Variants in CNTNAP2 observed in about 807,000 individuals in gnomAD.
CNTNAP2 encodes the protein contactin associated protein 2.
In CNTNAP2, 98 loss-of-function variants were observed where a neutral mutation model predicts 155.2. The ratio of observed to expected loss-of-function variants is 0.63; its 90% CI spans 0.54 to 0.75. The LOEUF is 0.75. Ranked by LOEUF, CNTNAP2 falls within the 30% of genes least tolerant of loss-of-function variation. The probability of loss-of-function intolerance (pLI) is 0.00; values close to 1 mark genes in which losing one functional copy is unlikely to be tolerated. For synonymous variants in CNTNAP2, 651 were observed against 631.2 expected (o/e 1.03, Z -0.47); for missense variants, 1,727 against 1,688.1 (o/e 1.02, Z -0.40).
chr7:146,738,701 G>A (rs1363250380), intron 1 of CNTNAP2, among the ~76,000 whole-genome samples: 1 of 151,832 alleles, frequency 6.6e-6, no homozygotes, highest in Non-Finnish European at 1.5e-5. Context: ...TATGGTGTGA[G>A]ATGGGGATGT....
At position 147,562,265 on chromosome 7, in the gene CNTNAP2, T is replaced by A. The variant is rs769157591; in HGVS notation, c.1897+8T>A. ...TTTACTGCAACATGACAGGTAACTG[T>A]GTCATATTTATGTTTTATGAAGATG... On this transcript the variant is annotated splice_region_variant and intron_variant, in intron 12 of 23. Coordinates refer to ENST00000361727, the MANE Select transcript of CNTNAP2 (RefSeq NM_014141.6). 24 of 1,613,632 alleles carry A rather than the reference T, an allele frequency of 1.5e-5. No homozygotes were observed. In the African/African-American group the frequency reaches 3.1e-4, roughly 21 times the overall value.
intron 1 of CNTNAP2, among the ~76,000 whole-genome samples, chr7:146,254,425 C>T (rs1396175536): frequency 6.6e-6 from 1 of 152,162 alleles, no homozygotes; most frequent in Non-Finnish European, 1.5e-5. Flanking sequence ...CTCATTCATA[C>T]AGATCGTACC....
rs568492325 is a variant in CNTNAP2 at position 147,527,447 on chromosome 7, A to G, written c.1778-34691A>G. On this transcript the variant is annotated intron_variant, in intron 11 of 23. Transcript: ENST00000361727. ...TTGGAAATGCAGCTTAAGTCCTCTC[A>G]GTATGCGCAGCGTTATACCTCATTT... Among the ~76,000 whole-genome samples the G allele has an allele frequency of 1.2e-4, 18 of 152,340 alleles. No homozygotes were observed. In the East Asian group the frequency reaches 3.1e-3, roughly 26 times the overall value.
At chr7:146,124,769 TG>T (rs914414692) in intron 1 of CNTNAP2, among the ~76,000 whole-genome samples, 6 of 152,228 alleles carry the variant, frequency 3.9e-5, no homozygotes, top group African/African-American at 1.4e-4. Flanking sequence ...ATGATTCGGG[TG>T]TTTTTTTCTA....
chr7:147,643,831 G>A (rs1795324544), intron 13 of CNTNAP2, among the ~76,000 whole-genome samples: 1 of 152,112 alleles, frequency 6.6e-6, no homozygotes. Flanking sequence ...ATATTCATAT[G>A]GACCTCATTT....
chr7:148,415,541 G>A lies in CNTNAP2; in HGVS notation c.3921G>A (p.Ala1307=), dbSNP rs750224036. The A allele has an allele frequency of 1.7e-5, 28 of 1,614,124 alleles. No individual in the cohort carries two copies. Among genetic ancestry groups the A allele is most frequent in the African/African-American group, 4.0e-5 (3 of 74,948 alleles). The part of the protein sequence containing the change: ...EAKGAESAES[A]DAAIMNNDPN... ...AGGGGGCGGAGTCGGCAGAGAGCGC[G>A]GACGCCGCCATCATGAACAACGACC... Residue 1307 remains alanine, a synonymous_variant, in exon 24 of 24, where the codon GCG becomes GCA. Coordinates refer to ENST00000361727, the MANE Select transcript of CNTNAP2 (RefSeq NM_014141.6).
Position 147,334,390 on chromosome 7 carries a change from C to G in CNTNAP2, c.1498+34100C>G, listed in dbSNP as rs528222154. Among the ~76,000 whole-genome samples, 21 of 152,330 alleles carry G rather than the reference C, an allele frequency of 1.4e-4. No individual in the cohort carries two copies. The East Asian group carries it at 1.7e-3, about 13-fold the overall frequency. ...TGGAAAAATAACCAATAACTGTTGA[C>G]TGTAGTTCTTCCCTTGCCATTTATT... is the stretch of plus-strand genomic sequence containing the variant. On this transcript the variant is annotated intron_variant, in intron 9 of 23. Transcript: ENST00000361727.
intron 1 of CNTNAP2, among the ~76,000 whole-genome samples, chr7:146,451,847 C>CATACGTGTATATATATAT (rs1796485811): frequency 1.2e-5 from 1 of 83,748 alleles, no homozygotes; most frequent in African/African-American, 3.7e-5. Flanking sequence ...TATATATATA[C>CATACGTGTATATATATAT]ACGTATTCTA....
intron 9 of CNTNAP2, among the ~76,000 whole-genome samples, chr7:147,348,860 G>A (rs150076504): frequency 4.1e-4 from 62 of 152,072 alleles, no homozygotes; most frequent in South Asian, 1.0e-3. Flanking sequence ...TATGGAACTG[G>A]AAGACACTGT....
chr7:148,419,918 T>G lies in CNTNAP2; in HGVS notation c.*4302T>G, dbSNP rs1207794714. On this transcript the variant is annotated 3_prime_UTR_variant, in exon 24 of 24. Coordinates refer to ENST00000361727, the MANE Select transcript of CNTNAP2 (RefSeq NM_014141.6). ...TGTTTTACCTACTTCATAAGACAGT[T>G]GCGAGGTGCCATTGATTCTTGACTG... The G allele has an allele frequency of 6.6e-6, 1 of 152,222 alleles. No individual in the cohort carries two copies. The allele number at this position is 152,222 out of a possible 1,614,324, so 9.4% of individuals were successfully genotyped here. A position where few individuals can be genotyped will look rare whatever the true frequency, so the allele number is the denominator to read the frequency against.
In CNTNAP2 at chr7:148,098,097, G is replaced by C. The variant is rs557509882; in HGVS notation, c.2384-20021G>C. Reference sequence around the variant, plus strand: ...GAAAAAGACAGCCCTGCAGTGGTATGTGGGAAGTGTTCTGGGCAGAAAACA... The same window carrying C: ...GAAAAAGACAGCCCTGCAGTGGTATCTGGGAAGTGTTCTGGGCAGAAAACA... On this transcript the variant is annotated intron_variant, in intron 15 of 23. Coordinates refer to ENST00000361727, the MANE Select transcript of CNTNAP2 (RefSeq NM_014141.6). Among the ~76,000 whole-genome samples the C allele has an allele frequency of 1.3e-3, 196 of 152,222 alleles. 1 individual carries two copies. Among genetic ancestry groups the C allele is most frequent in the African/African-American group, 4.5e-3 (188 of 41,540 alleles).
chr7:146,347,248 A>G (rs6972458), intron 1 of CNTNAP2, among the ~76,000 whole-genome samples: 142,626 of 152,072 alleles, frequency 0.94, 66,991 homozygotes, highest in East Asian at 1. Context: ...ATTTCAAAGT[A>G]GGAAATGAAA....
chr7:147,755,380 C>A (rs1437140872), intron 13 of CNTNAP2, among the ~76,000 whole-genome samples: 1 of 152,202 alleles, frequency 6.6e-6, no homozygotes, highest in Non-Finnish European at 1.5e-5. Context: ...AGCAGCCAGG[C>A]GCAGTGGCTC....
chr7:148,310,351 C>T (rs549678675), intron 21 of CNTNAP2, among the ~76,000 whole-genome samples: 9 of 152,286 alleles, frequency 5.9e-5, no homozygotes, highest in Non-Finnish European at 1.3e-4. Context: ...TAAGTCAAGG[C>T]CTCAGCGGTT....
At chr7:147,535,393 G>A (rs1208193808) in intron 11 of CNTNAP2, among the ~76,000 whole-genome samples, 1 of 151,736 alleles carries the variant, frequency 6.6e-6, no homozygotes, top group African/African-American at 2.4e-5. Flanking sequence ...CTCTGTCTCA[G>A]AAAAATAAAA....
chr7:148,346,111 C>T (rs925277045), intron 21 of CNTNAP2, among the ~76,000 whole-genome samples: 14 of 152,106 alleles, frequency 9.2e-5, no homozygotes, highest in Non-Finnish European at 1.8e-4. Context: ...GATGGAGACC[C>T]CTTCATCCTT....
intron 1 of CNTNAP2, among the ~76,000 whole-genome samples, chr7:146,353,114 A>G (rs1220334199): frequency 2.6e-5 from 4 of 152,114 alleles, no homozygotes; most frequent in African/African-American, 9.7e-5. Flanking sequence ...ACATGTTAGT[A>G]CTATGGTTTT....
At chr7:146,668,356 G>A (rs1032938421) in intron 1 of CNTNAP2, among the ~76,000 whole-genome samples, 4 of 151,606 alleles carry the variant, frequency 2.6e-5, no homozygotes, top group African/African-American at 9.7e-5. Flanking sequence ...GATCTGTGCT[G>A]GATTTAGCTT....
intron 11 of CNTNAP2, among the ~76,000 whole-genome samples, chr7:147,519,876 A>G (rs938193160): frequency 6.6e-6 from 1 of 152,234 alleles, no homozygotes; most frequent in South Asian, 2.1e-4. Context: ...AACAAAAAAG[A>G]ATAAATTCAT....
Sources: allele counts gnomAD v4.1 joint callset (sites outside exome capture counted in the v4.1 genomes callset), GRCh38; gene constraint gnomAD v4.1.1; transcripts MANE v1.5; gene names NCBI Gene and HGNC (gene_info 2026-07-23, HGNC 2026-07-21).